ITGA9: variants seen among roughly 807,000 people sequenced by gnomAD.
The protein encoded by ITGA9 is integrin alpha-9.
In ITGA9, 56 loss-of-function variants were observed where a neutral mutation model predicts 127.8. The ratio of observed to expected loss-of-function variants is 0.44; its 90% confidence interval spans 0.35 to 0.55. The LOEUF is 0.55. Among genes scored for constraint, ITGA9 ranks in the 20% least tolerant of loss-of-function variants. ITGA9 has a pLI of 0.00. For synonymous variants in ITGA9, 508 were observed against 514.5 expected (o/e 0.99, Z 0.17); for missense variants, 1,196 against 1,347.1 (o/e 0.89, Z 1.76).
rs560966515 is a variant in ITGA9, at chr3:37,802,049, T to C, written c.2890-1774T>C. On this transcript the variant is annotated intron_variant, in intron 26 of 27. Coordinates refer to ENST00000264741, the MANE Select transcript of ITGA9 (RefSeq NM_002207.3). ...TCAACCAGGCACTGCAGTGTGGTGA[T>C]GACAAGCTCAGATTTGGGGGTTTGG... is the stretch of plus-strand genomic sequence containing the variant. Among the ~76,000 whole-genome samples the C allele has an allele frequency of 1.3e-4, 20 of 152,300 alleles. No individual in the cohort carries two copies. In the South Asian group the frequency reaches 3.1e-3, roughly 24 times the overall value.
chr3:37,580,851 G>A (rs927189130), intron 15 of ITGA9, among the ~76,000 whole-genome samples: 2 of 152,126 alleles, frequency 1.3e-5, no homozygotes, highest in African/African-American at 4.8e-5. Flanking sequence ...TTGGACTTTG[G>A]TGTCCAAAAG....
At chr3:37,523,691 A>C in intron 12 of ITGA9, 80 bp downstream of exon 12, 2 of 990,878 alleles carry the variant, frequency 2.0e-6, no homozygotes, top group Non-Finnish European at 1.6e-6. Flanking sequence ...TCTGGTTAGC[A>C]ATCATCACAT....
chr3:37,595,784 C>T (rs915161604), intron 15 of ITGA9, among the ~76,000 whole-genome samples: 1 of 152,198 alleles, frequency 6.6e-6, no homozygotes, highest in Non-Finnish European at 1.5e-5. Context: ...ATTCTCTTTG[C>T]CCCATGTGTG....
intron 3 of ITGA9, among the ~76,000 whole-genome samples, chr3:37,477,744 G>T (rs1698508338): frequency 2.0e-5 from 3 of 152,170 alleles, no homozygotes; most frequent in African/African-American, 7.2e-5. Flanking sequence ...AACTCAAAAT[G>T]TTCAAGTCTA....
intron 17 of ITGA9, among the ~76,000 whole-genome samples, chr3:37,657,594 G>C (rs1424377172): frequency 6.8e-6 from 1 of 148,064 alleles, no homozygotes; most frequent in African/African-American, 2.5e-5. Flanking sequence ...CTTTATTAGT[G>C]TGGCTAGTGG....
rs1697125423 is a variant in ITGA9 at position 37,792,626 on chromosome 3, A to G, written c.2889+7548A>G. On this transcript the variant is annotated intron_variant, in intron 26 of 27. Transcript: ENST00000264741. ...GGTAGACCTAGGCAGGGTCCATGCC[A>G]GGTAACACCACTGGGCACTTACAAA... 3.3e-5 allele frequency among the ~76,000 whole-genome samples: 5 copies of G among 152,354 alleles called. No individual in the cohort carries two copies. In the Middle Eastern group the frequency reaches 0.01, roughly 311 times the overall value.
chr3:37,647,877 A>G (rs1435031058), intron 16 of ITGA9, among the ~76,000 whole-genome samples: 1 of 151,556 alleles, frequency 6.6e-6, no homozygotes, highest in Admixed American at 6.6e-5. Flanking sequence ...GTGTGTGTGT[A>G]GTATATATAC....
chr3:37,613,982 G>A (rs1043568716), intron 15 of ITGA9, among the ~76,000 whole-genome samples: 2 of 152,210 alleles, frequency 1.3e-5, no homozygotes, highest in African/African-American at 4.8e-5. Flanking sequence ...GATCCCATTT[G>A]TCAATTTTGG....
intron 1 of ITGA9, among the ~76,000 whole-genome samples, chr3:37,460,387 A>G (rs997678873): frequency 6.6e-6 from 1 of 152,236 alleles, no homozygotes; most frequent in Non-Finnish European, 1.5e-5. Flanking sequence ...TGATAGCACA[A>G]CAAAATGACA....
intron 16 of ITGA9, among the ~76,000 whole-genome samples, chr3:37,642,185 A>C (rs1400683665): frequency 1.3e-5 from 2 of 152,058 alleles, no homozygotes; most frequent in South Asian, 4.2e-4. Flanking sequence ...GGCTCAAGGA[A>C]TCCTCCTGCC....
intron 15 of ITGA9, among the ~76,000 whole-genome samples, chr3:37,612,044 T>C (rs1559548968): frequency 1.3e-5 from 2 of 151,964 alleles, no homozygotes; most frequent in Non-Finnish European, 2.9e-5. Flanking sequence ...TGTCATAAAA[T>C]GTAATGGATG....
At chr3:37,483,125 G>A (rs1243620007) in intron 4 of ITGA9, among the ~76,000 whole-genome samples, 1 of 152,196 alleles carries the variant, frequency 6.6e-6, no homozygotes, top group Non-Finnish European at 1.5e-5. Flanking sequence ...GGCAGTGATT[G>A]TTGAACCATA....
At chr3:37,796,918 G>C (rs771399612) in intron 26 of ITGA9, among the ~76,000 whole-genome samples, 8 of 152,222 alleles carry the variant, frequency 5.3e-5, no homozygotes, top group Non-Finnish European at 1.0e-4. Flanking sequence ...AGAGTGAGAA[G>C]GACCTAGAAC....
At chr3:37,571,106 A>G (rs78562835) in intron 15 of ITGA9, among the ~76,000 whole-genome samples, 2,636 of 152,330 alleles carry the variant, frequency 0.017, 58 homozygotes, top group African/African-American at 0.06. Flanking sequence ...GCATCTCAGC[A>G]GAGGCCCTTT....
intron 15 of ITGA9, among the ~76,000 whole-genome samples, chr3:37,590,331 A>G (rs1172304754): frequency 6.6e-6 from 1 of 152,146 alleles, no homozygotes; most frequent in Non-Finnish European, 1.5e-5. Context: ...GACAGAGGAC[A>G]GGAAGATGAG....
intron 1 of ITGA9, among the ~76,000 whole-genome samples, chr3:37,470,420 G>A (rs1481193718): frequency 6.6e-6 from 1 of 152,154 alleles, no homozygotes; most frequent in Non-Finnish European, 1.5e-5. Flanking sequence ...TGGTTGGTAT[G>A]AAGTTGAGTT....
intron 26 of ITGA9, among the ~76,000 whole-genome samples, chr3:37,786,617 A>AC (rs202032037): frequency 0.36 from 54,709 of 150,238 alleles, 10,023 homozygotes; most frequent in East Asian, 0.46. Context: ...CAAACAAACA[A>AC]AAAAAAAAAA....
chr3:37,804,838 A>G (rs917413905), intron 27 of ITGA9, among the ~76,000 whole-genome samples: 2 of 152,240 alleles, frequency 1.3e-5, no homozygotes, highest in South Asian at 2.1e-4. Flanking sequence ...CTAACATAAC[A>G]TATCAATTAC....
intron 27 of ITGA9, chr3:37,818,191 T>TTAA (rs1553674108): frequency 3.1e-5 from 1 of 31,968 alleles, no homozygotes; most frequent in African/African-American, 9.4e-5. Flanking sequence ...TAAGACTCTC[T>TTAA]AAAAAAAAAA....
Sources: gnomAD v4.1 joint callset for allele counts (sites outside exome capture counted in the v4.1 genomes callset) on GRCh38, gnomAD v4.1.1 for gene constraint, MANE v1.5 for transcripts, NCBI Gene and HGNC (gene_info 2026-07-23, HGNC 2026-07-21) for gene names.